The following VPS35 variants were observed in gnomAD, a reference collection of about 807,000 sequenced individuals.
VPS35 encodes the protein vacuolar protein sorting-associated protein 35.
VPS35 carries 21 observed loss-of-function variants against 98.1 expected under a neutral mutation model. The ratio of observed to expected loss-of-function variants is 0.21; its 90% CI spans 0.15 to 0.31. The LOEUF (loss-of-function observed/expected upper bound fraction) is 0.31, where lower values mean the gene tolerates loss of function less well. Among genes scored for constraint, VPS35 ranks in the 10% least tolerant of loss-of-function variants. The pLI is 1.00. For missense variants in VPS35, 554 were observed against 950.8 expected (o/e 0.58, Z 5.49); for synonymous variants, 268 against 318.2 (o/e 0.84, Z 1.68).
chr16:46,682,980 A>T (rs1966256596), intron 2 of VPS35: 1 of 157,586 alleles, frequency 6.3e-6, no homozygotes, highest in Admixed American at 6.1e-5. Flanking sequence ...TTTAGAATAT[A>T]AAAATATGTA....
rs1272690099 is a variant in VPS35, at chr16:46,683,132, A to G, written c.102+376T>C. The G allele has an allele frequency of 2.5e-5, 5 of 201,306 alleles. No individual in the cohort carries two copies. In the East Asian group the frequency reaches 6.0e-4, roughly 24 times the overall value. The allele number at this position is 201,306 out of a possible 1,614,324, so 12.5% of individuals were successfully genotyped here. On this transcript the variant is annotated intron_variant, in intron 2 of 16. Coordinates refer to ENST00000299138, the MANE Select transcript of VPS35 (RefSeq NM_018206.6). ...ATTTAAATCCATTCATTCAACAAAT[A>G]TTTACTGAGTACCTATTATATGTTA...
intron 10 of VPS35, among the ~76,000 whole-genome samples, chr16:46,673,269 C>A (rs1966094312): frequency 6.6e-6 from 1 of 152,142 alleles, no homozygotes; most frequent in African/African-American, 2.4e-5. Context: ...CCACACCTGG[C>A]ACATCATTTA....
chr16:46,674,746 T>C, intron 8 of VPS35, 86 bp from the exon 9 acceptor site: 1 of 1,187,050 alleles, frequency 8.4e-7, no homozygotes, highest in South Asian at 1.4e-5. Context: ...TCTTTATTGC[T>C]TTTCTATATT....
In VPS35 at chr16:46,672,430, A is replaced by G; in HGVS notation, c.1203T>C (p.Leu401=). The G allele has an allele frequency of 1.9e-6, 3 of 1,613,340 alleles. No individual in the cohort carries two copies. The highest frequency in any genetic ancestry group is 2.5e-6 in the Non-Finnish European group (3 of 1,179,888). ...TGTAAGTGTCAACTGGTATTTTCAA[A>G]AGTCTGGTGAGTTCCTTTGAAACTG... ...SSAVSKELTR[L]LKIPVDTYNN... The change falls in exon 11 of 17, where the codon CTT becomes CTC. Residue 401 remains leucine, a synonymous_variant. Coordinates refer to ENST00000299138, the MANE Select transcript of VPS35 (RefSeq NM_018206.6).
At position 46,657,465 on chromosome 16, in the gene VPS35, A is replaced by C. The variant is rs1567465598; in HGVS notation, c.*3007T>G. The stretch of plus-strand genomic sequence containing the variant: ...ATCCCCTCAGTGCCTGTGGTGGTGC[A>C]TTTATTCCTTGAGGTCTGTCACATT... On this transcript the variant is annotated 3_prime_UTR_variant, in exon 17 of 17. Coordinates refer to ENST00000299138, the MANE Select transcript of VPS35 (RefSeq NM_018206.6). The C allele has an allele frequency of 3.9e-5, 6 of 152,176 alleles. No individual in the cohort carries two copies. Among genetic ancestry groups the C allele is most frequent in the Non-Finnish European group, 7.3e-5 (5 of 68,048 alleles). 9.4% of individuals were successfully genotyped at this position (152,176 alleles called of 1,614,324 possible). A position where few individuals can be genotyped will look rare whatever the true frequency, so the allele number is the denominator to read the frequency against.
rs563219537 is a variant in VPS35, at chr16:46,660,305, G to A, written c.*167C>T. ...CTTACCAAGTGAATAATTTTATTAAGGTCCTGAAGGTGAGTGTCCGGAGGT... is the reference window on the plus strand; with the variant it reads ...CTTACCAAGTGAATAATTTTATTAAAGTCCTGAAGGTGAGTGTCCGGAGGT... On this transcript the variant is annotated 3_prime_UTR_variant, in exon 17 of 17. Coordinates refer to ENST00000299138, the MANE Select transcript of VPS35 (RefSeq NM_018206.6). The A allele has an allele frequency of 6.9e-6, 4 of 582,398 alleles. No homozygotes were observed. Among genetic ancestry groups the A allele is most frequent in the South Asian group, 1.9e-5 (1 of 52,826 alleles). The allele number at this position is 582,398 out of a possible 1,614,324, so 36.1% of individuals were successfully genotyped here. A position where few individuals can be genotyped will look rare whatever the true frequency, so the allele number is the denominator to read the frequency against.
intron 6 of VPS35, among the ~76,000 whole-genome samples, chr16:46,678,480 G>C (rs1966185113): frequency 6.6e-6 from 1 of 152,178 alleles, no homozygotes; most frequent in Admixed American, 6.5e-5. Context: ...CACAGGTAAA[G>C]TTTGCCATTC....
intron 3 of VPS35, 134 bp from the exon 4 acceptor site, chr16:46,681,634 G>T: frequency 9.1e-7 from 1 of 1,093,816 alleles, no homozygotes; most frequent in Non-Finnish European, 1.3e-6. Context: ...TCAAGCGAAG[G>T]ATGAATTTTA....
chr16:46,676,703 AATGATC>A lies in VPS35; in HGVS notation c.805-17_805-12del. 6.5e-7 allele frequency: 1 copy of A among 1,542,684 alleles called. No individual in the cohort carries two copies. On this transcript the variant is annotated splice_polypyrimidine_tract_variant and intron_variant, in intron 7 of 16. Transcript: ENST00000299138. ...TTCATCAGGGAAAACCTGAAAATCA[AATGATC>A]AATACAAATAAAAGTATTTCACGTA...
rs1965886081 is a variant in VPS35, at chr16:46,660,189, G to GCTTT, written c.*282_*283insAAAG. On this transcript the variant is annotated 3_prime_UTR_variant, in exon 17 of 17. Transcript: ENST00000299138. ...GCCAAGATAAGTGCTTGTGGGTTTT[G>GCTTT]TGTTTTTTTTTTTTTTTTTTTTTAC... 1.0e-5 allele frequency: 1 copy of GCTTT among 98,118 alleles called. No individual in the cohort carries two copies. Among genetic ancestry groups the GCTTT allele is most frequent in the Non-Finnish European group, 1.9e-5 (1 of 51,910 alleles). The allele number at this position is 98,118 out of a possible 1,614,324, so 6.1% of individuals were successfully genotyped here.
At chr16:46,677,068 T>C (rs1387387320) in intron 7 of VPS35, among the ~76,000 whole-genome samples, 1 of 152,094 alleles carries the variant, frequency 6.6e-6, no homozygotes, top group African/African-American at 2.4e-5. Context: ...AAAATTTTTT[T>C]AATTTTTTAT....
intron 10 of VPS35, 97 bp downstream of exon 10, chr16:46,674,217 A>G (rs751508275): frequency 7.3e-6 from 10 of 1,362,526 alleles, no homozygotes; most frequent in Non-Finnish European, 9.3e-6. Context: ...GATTAAAACA[A>G]GACAAATGCC....
chr16:46,678,798 A>G (rs1966189958), intron 6 of VPS35, 145 bp downstream of exon 6: 5 of 783,202 alleles, frequency 6.4e-6, no homozygotes, highest in African/African-American at 1.7e-5. Context: ...CACTGCATAT[A>G]TATCTTTCCG....
chr16:46,688,726 G>C (rs986210011), intron 1 of VPS35: 3 of 1,181,420 alleles, frequency 2.5e-6, no homozygotes, highest in East Asian at 4.7e-5. Flanking sequence ...ATCTGGGCGG[G>C]TCCCGGCGCC....
chr16:46,665,381 G>T (rs1238156495), intron 13 of VPS35, among the ~76,000 whole-genome samples: 1 of 152,252 alleles, frequency 6.6e-6, no homozygotes, highest in East Asian at 1.9e-4. Context: ...AGGATCGCTT[G>T]AGCCCAAGAG....
At chr16:46,688,782 C>G (rs1020522414) in intron 1 of VPS35, 8 of 1,278,534 alleles carry the variant, frequency 6.3e-6, no homozygotes, top group Non-Finnish European at 8.0e-6. Flanking sequence ...GCCAGACGCT[C>G]AGACCTAGGA....
Position 46,682,176 on chromosome 16 carries a change from C to A in VPS35, c.103-1G>T. Reference sequence around the variant, plus strand: ...GAGCATCCATAAGCTTGTTTTTGTCCTACAGAAATACCAAGAGAATAGATG... The same window carrying A: ...GAGCATCCATAAGCTTGTTTTTGTCATACAGAAATACCAAGAGAATAGATG... On this transcript the variant is annotated splice_acceptor_variant, in intron 2 of 16. Transcript: ENST00000299138. LOFTEE classifies it high-confidence loss of function. 6.2e-7 allele frequency: 1 copy of A among 1,609,388 alleles called. No individual in the cohort carries two copies. Among genetic ancestry groups the A allele is most frequent in the Non-Finnish European group, 8.5e-7 (1 of 1,176,106 alleles).
intron 8 of VPS35, 93 bp downstream of exon 8, chr16:46,676,490 A>G: frequency 1.2e-6 from 1 of 805,472 alleles, no homozygotes. Context: ...TTGGTATGAT[A>G]AAGATGTAAC....
intron 13 of VPS35, among the ~76,000 whole-genome samples, chr16:46,666,818 T>C (rs1567263569): frequency 6.6e-6 from 1 of 152,228 alleles, no homozygotes; most frequent in Non-Finnish European, 1.5e-5. Context: ...CACACATATA[T>C]ACGTATATAC....
Sources: gnomAD v4.1 joint callset for allele counts (sites outside exome capture counted in the v4.1 genomes callset) on GRCh38, gnomAD v4.1.1 for gene constraint, MANE v1.5 for transcripts, NCBI Gene and HGNC (gene_info 2026-07-23, HGNC 2026-07-21) for gene names.